The following KIT variants were observed in gnomAD, a reference collection of about 807,000 sequenced individuals.
KIT encodes mast/stem cell growth factor receptor Kit.
In KIT, 16 loss-of-function variants were observed where a neutral mutation model predicts 105.7. The observed-to-expected ratio is 0.15, with a 90% CI of 0.10 to 0.23. The LOEUF (loss-of-function observed/expected upper bound fraction) is 0.23, where lower values mean the gene tolerates loss of function less well. KIT is among the 10% of genes least tolerant of loss of function. The probability of loss-of-function intolerance (pLI) is 1.00; values close to 1 mark genes in which losing one functional copy is unlikely to be tolerated. For synonymous variants in KIT, 438 were observed against 441.1 expected, an observed-to-expected ratio of 0.99 and a Z score of 0.09; for missense variants, 858 against 1,213.8, an observed-to-expected ratio of 0.71 and a Z score of 4.36.
At chr4:54,668,828 C>T (rs1332889752) in intron 1 of KIT, among the ~76,000 whole-genome samples, 1 of 152,216 alleles carries the variant, frequency 6.6e-6, no homozygotes, top group East Asian at 1.9e-4. Context: ...AAAGATAGTA[C>T]AGGTACTTTT....
chr4:54,691,020 A>T (rs1045763764), intron 1 of KIT, among the ~76,000 whole-genome samples: 7 of 152,144 alleles, frequency 4.6e-5, no homozygotes, highest in African/African-American at 1.7e-4. Flanking sequence ...GAAGTGAAGC[A>T]TGAACTCATG....
At chr4:54,736,688 G>A in intron 18 of KIT, 33 bp from the exon 19 acceptor site, 1 of 1,605,400 alleles carries the variant, frequency 6.2e-7, no homozygotes, top group Non-Finnish European at 8.5e-7. Context: ...CTGCTTCCTT[G>A]TGATTAACAC....
intron 1 of KIT, among the ~76,000 whole-genome samples, chr4:54,693,746 A>C (rs1719868324): frequency 6.6e-6 from 1 of 152,164 alleles, no homozygotes; most frequent in Admixed American, 6.5e-5. Flanking sequence ...ACCATTCTGC[A>C]AGAGGTGACT....
chr4:54,719,883 G>T (rs1201430353), intron 7 of KIT, among the ~76,000 whole-genome samples: 1 of 152,126 alleles, frequency 6.6e-6, no homozygotes, highest in Non-Finnish European at 1.5e-5. Context: ...AATGCAACTT[G>T]CCAGGTACAG....
chr4:54,688,590 C>A (rs1051088471), intron 1 of KIT, among the ~76,000 whole-genome samples: 1 of 152,228 alleles, frequency 6.6e-6, no homozygotes, highest in South Asian at 2.1e-4. Context: ...AAAGACCTTG[C>A]AGTCATGGTT....
intron 7 of KIT, among the ~76,000 whole-genome samples, chr4:54,716,512 CATTA>C (rs1324717432): frequency 1.3e-5 from 2 of 151,874 alleles, no homozygotes; most frequent in Non-Finnish European, 2.9e-5. Context: ...TCCTCCAGAC[CATTA>C]ATTTTTTTTT....
chr4:54,718,685 A>C (rs1721655251), intron 7 of KIT, among the ~76,000 whole-genome samples: 1 of 152,198 alleles, frequency 6.6e-6, no homozygotes, highest in Non-Finnish European at 1.5e-5. Flanking sequence ...TGAGAAAATC[A>C]CTTCATTAAG....
intron 1 of KIT, among the ~76,000 whole-genome samples, chr4:54,680,108 G>T (rs1454953710): frequency 1.3e-5 from 2 of 152,160 alleles, no homozygotes; most frequent in African/African-American, 4.8e-5. Context: ...CAATGTGAAT[G>T]TACTTAATGC....
chr4:54,707,385 T>A, intron 6 of KIT, 98 bp downstream of exon 6: 1 of 871,990 alleles, frequency 1.1e-6, no homozygotes, highest in South Asian at 1.4e-5. Flanking sequence ...CACGAGAAGA[T>A]ACCTGGTAAA....
At chr4:54,672,051 C>G (rs1718144169) in intron 1 of KIT, among the ~76,000 whole-genome samples, 1 of 151,968 alleles carries the variant, frequency 6.6e-6, no homozygotes, top group Non-Finnish European at 1.5e-5. Context: ...TCACATTTTC[C>G]TATTGAAGAT....
intron 7 of KIT, among the ~76,000 whole-genome samples, chr4:54,720,796 C>A (rs1721820924): frequency 6.6e-6 from 1 of 152,118 alleles, no homozygotes; most frequent in East Asian, 1.9e-4. Context: ...GAACTTAGCT[C>A]CTATTTGAGT....
intron 1 of KIT, among the ~76,000 whole-genome samples, chr4:54,694,130 G>A (rs997901304): frequency 6.6e-6 from 1 of 152,204 alleles, no homozygotes; most frequent in Non-Finnish European, 1.5e-5. Context: ...TTCACTCCAC[G>A]TAGTTTCACC....
intron 1 of KIT, among the ~76,000 whole-genome samples, chr4:54,664,141 T>C (rs1717505132): frequency 6.6e-6 from 1 of 152,176 alleles, no homozygotes; most frequent in Non-Finnish European, 1.5e-5. Flanking sequence ...TTGAGATTAA[T>C]TTCTGAACCT....
chr4:54,664,538 C>G (rs1359292380), intron 1 of KIT, among the ~76,000 whole-genome samples: 1 of 152,146 alleles, frequency 6.6e-6, no homozygotes, highest in African/African-American at 2.4e-5. Context: ...AACTTGGACA[C>G]TCCCTTGCTG....
At chr4:54,707,608 A>G (rs1720874198) in intron 6 of KIT, among the ~76,000 whole-genome samples, 1 of 152,222 alleles carries the variant, frequency 6.6e-6, no homozygotes, top group Admixed American at 6.5e-5. Flanking sequence ...CTCTTCAGAG[A>G]AAAAGGGAAG....
intron 1 of KIT, among the ~76,000 whole-genome samples, chr4:54,676,283 A>C (rs1438220282): frequency 6.6e-6 from 1 of 152,180 alleles, no homozygotes; most frequent in Non-Finnish European, 1.5e-5. Flanking sequence ...AGCAGGGCCC[A>C]GCCATCTGTT....
At chr4:54,730,347 A>G (rs150196666) in intron 14 of KIT, among the ~76,000 whole-genome samples, 64 of 152,252 alleles carry the variant, frequency 4.2e-4, no homozygotes, top group Non-Finnish European at 1.3e-4. Context: ...ATGGCAAGAC[A>G]TTGCCTCCTG....
At chr4:54,665,039 G>C (rs555189395) in intron 1 of KIT, among the ~76,000 whole-genome samples, 78 of 152,182 alleles carry the variant, frequency 5.1e-4, no homozygotes, top group African/African-American at 1.8e-3. Context: ...TTGAAGAGCA[G>C]CTCCCCTCTC....
chr4:54,672,906 T>C (rs950990310), intron 1 of KIT, among the ~76,000 whole-genome samples: 1 of 152,232 alleles, frequency 6.6e-6, no homozygotes, highest in African/African-American at 2.4e-5. Context: ...TATTTAAAGG[T>C]CAGGTTGGCT....
Sources: gnomAD v4.1 joint callset for allele counts (sites outside exome capture counted in the v4.1 genomes callset) on GRCh38, gnomAD v4.1.1 for gene constraint, MANE v1.5 for transcripts, NCBI Gene and HGNC (gene_info 2026-07-23, HGNC 2026-07-21) for gene names.